The following AFF3 variants were observed in gnomAD, a reference collection of about 807,000 sequenced individuals.
The protein encoded by AFF3 is ALF transcription elongation factor 3, also known as AF4/FMR2 family member 3.
A neutral mutation model predicts 129.7 loss-of-function variants in AFF3; 32 were observed. That is an observed-to-expected ratio of 0.25 (90% CI 0.19 to 0.33). The LOEUF (loss-of-function observed/expected upper bound fraction) is 0.33. AFF3 is among the 10% of genes least tolerant of loss of function. The pLI, the probability that AFF3 is intolerant of heterozygous loss-of-function variation, is 1.00. For missense variants in AFF3, 1,373 were observed against 1,592.0 expected (o/e 0.86, Z 2.34); for synonymous variants, 644 against 635.4 (o/e 1.01, Z -0.20).
chr2:99,972,979 A>G (rs2104439907), intron 7 of AFF3, among the ~76,000 whole-genome samples: 1 of 152,344 alleles, frequency 6.6e-6, no homozygotes, highest in South Asian at 2.1e-4. Flanking sequence ...TTAGGAATAG[A>G]TGGGCATGCA....
intron 11 of AFF3, among the ~76,000 whole-genome samples, chr2:99,719,956 G>A (rs1558783943): frequency 1.3e-5 from 2 of 152,198 alleles, no homozygotes; most frequent in Admixed American, 1.3e-4. Context: ...AGAATGGCGT[G>A]AACCCGGGAG....
At chr2:99,563,843 A>G (rs111946418) in intron 20 of AFF3, among the ~76,000 whole-genome samples, 2,302 of 150,024 alleles carry the variant, frequency 0.015, 46 homozygotes, top group African/African-American at 0.053. Flanking sequence ...AGAAAGAAAG[A>G]AAAAGAGCCA....
At chr2:99,608,982 T>C (rs1305162248) in intron 13 of AFF3, among the ~76,000 whole-genome samples, 2 of 151,934 alleles carry the variant, frequency 1.3e-5, no homozygotes, top group African/African-American at 2.4e-5. Flanking sequence ...AATAGAAAAA[T>C]ATAGAGACCA....
chr2:100,003,934 A>G (rs755620376), intron 7 of AFF3, among the ~76,000 whole-genome samples: 11 of 152,080 alleles, frequency 7.2e-5, no homozygotes, highest in Non-Finnish European at 1.6e-4. Context: ...AGTCTAATTT[A>G]TTCAGTTAAT....
intron 2 of AFF3, among the ~76,000 whole-genome samples, chr2:100,107,863 C>T (rs1186787020): frequency 6.6e-6 from 1 of 152,182 alleles, no homozygotes; most frequent in African/African-American, 2.4e-5. Flanking sequence ...GAAGAGAAGC[C>T]TTGCATGGCT....
In AFF3 at chr2:100,052,424, T is replaced by C. The variant is rs1036041215; in HGVS notation, c.54-43492A>G. Among the ~76,000 whole-genome samples the C allele has an allele frequency of 6.6e-5, 10 of 152,250 alleles. No homozygotes were observed. In the Middle Eastern group the frequency reaches 0.014, roughly 207 times the overall value. On this transcript the variant is annotated intron_variant, in intron 4 of 24. Coordinates refer to ENST00000672756, the MANE Select transcript of AFF3 (RefSeq NM_001386135.1). ...TTTAGGGAAGGACAATGACCCAGTA[T>C]GCTTGGGACCCAGGGCCATGACCCA...
intron 7 of AFF3, among the ~76,000 whole-genome samples, chr2:99,920,088 A>C (rs1007867397): frequency 5.3e-5 from 8 of 152,084 alleles, no homozygotes; most frequent in Middle Eastern, 3.2e-3. Flanking sequence ...AACTTCCCAA[A>C]AGAAAACTCT....
intron 13 of AFF3, among the ~76,000 whole-genome samples, chr2:99,639,180 A>C (rs1226266467): frequency 6.6e-6 from 1 of 152,198 alleles, no homozygotes; most frequent in Non-Finnish European, 1.5e-5. Context: ...TATTGTGTAA[A>C]ATACATATTT....
chr2:99,859,652 C>T (rs1218455495), intron 7 of AFF3, among the ~76,000 whole-genome samples: 1 of 152,072 alleles, frequency 6.6e-6, no homozygotes, highest in African/African-American at 2.4e-5. Flanking sequence ...AACACGTTTT[C>T]TTCTCTTCAT....
At chr2:99,906,595 A>G (rs532878623) in intron 7 of AFF3, among the ~76,000 whole-genome samples, 1 of 152,244 alleles carries the variant, frequency 6.6e-6, no homozygotes, top group South Asian at 2.1e-4. Context: ...GACTTTAAGG[A>G]AGAGCATCCC....
chr2:100,082,407 A>T (rs1689107098), intron 4 of AFF3, among the ~76,000 whole-genome samples: 1 of 151,806 alleles, frequency 6.6e-6, no homozygotes, highest in Non-Finnish European at 1.5e-5. Context: ...CATACTTGGC[A>T]AAAGAATGTT....
intron 11 of AFF3, among the ~76,000 whole-genome samples, chr2:99,723,867 CAGACACAGAGAT>C (rs2104969715): frequency 1.3e-5 from 2 of 152,208 alleles, no homozygotes; most frequent in South Asian, 2.1e-4. Context: ...ACTATATAAA[CAGACACAGAGAT>C]AGACATGCAC....
intron 7 of AFF3, among the ~76,000 whole-genome samples, chr2:99,997,711 C>G (rs1680982758): frequency 6.6e-6 from 1 of 152,188 alleles, no homozygotes; most frequent in South Asian, 2.1e-4. Flanking sequence ...CTTCTCCCAT[C>G]CCATGTACAC....
chr2:99,696,665 T>C (rs890517502), intron 11 of AFF3, among the ~76,000 whole-genome samples: 1 of 152,024 alleles, frequency 6.6e-6, no homozygotes, highest in Non-Finnish European at 1.5e-5. Flanking sequence ...CTTTTTTTTT[T>C]TTCTTCTTTG....
intron 7 of AFF3, among the ~76,000 whole-genome samples, chr2:99,981,633 A>C (rs1212576594): frequency 6.6e-6 from 1 of 152,074 alleles, no homozygotes; most frequent in Non-Finnish European, 1.5e-5. Flanking sequence ...CATGTTTTTG[A>C]ATATCTGGAA....
At chr2:99,752,052 C>G (rs562780363) in intron 9 of AFF3, among the ~76,000 whole-genome samples, 169 bp downstream of exon 9, 1 of 152,272 alleles carries the variant, frequency 6.6e-6, no homozygotes, top group African/African-American at 2.4e-5. Flanking sequence ...TTGATTCTCC[C>G]CCTTTCATAA....
chr2:99,976,174 A>G (rs1159260812), intron 7 of AFF3, among the ~76,000 whole-genome samples: 2 of 152,190 alleles, frequency 1.3e-5, no homozygotes, highest in Non-Finnish European at 2.9e-5. Flanking sequence ...AGTATTTTCA[A>G]TTTAAATTAA....
intron 7 of AFF3, among the ~76,000 whole-genome samples, chr2:99,963,322 C>A (rs536086218): frequency 3.9e-5 from 6 of 152,110 alleles, no homozygotes; most frequent in African/African-American, 1.4e-4. Context: ...TACACAGAAC[C>A]AAGTTTGAAA....
At chr2:99,958,642 G>A (rs984470624) in intron 7 of AFF3, among the ~76,000 whole-genome samples, 5 of 152,072 alleles carry the variant, frequency 3.3e-5, no homozygotes, top group Non-Finnish European at 7.4e-5. Context: ...AATCTAAATG[G>A]GGGACAGGGG....
Sources: allele counts gnomAD v4.1 joint callset (sites outside exome capture counted in the v4.1 genomes callset), GRCh38; gene constraint gnomAD v4.1.1; transcripts MANE v1.5; gene names NCBI Gene and HGNC (gene_info 2026-07-23, HGNC 2026-07-21).